XPNPEP2: variants seen among roughly 807,000 people sequenced by gnomAD.
The protein encoded by XPNPEP2 is X-prolyl aminopeptidase 2, also known as xaa-Pro aminopeptidase 2.
XPNPEP2 carries 64 observed loss-of-function variants against 59.8 expected under a neutral mutation model. The ratio of observed to expected loss-of-function variants is 1.07; its 90% CI spans 0.87 to 1.32. XPNPEP2 has a LOEUF of 1.32. Among genes scored for constraint, XPNPEP2 ranks in the 40% most tolerant of loss-of-function variants. XPNPEP2 has a pLI of 0.00. For synonymous variants in XPNPEP2, 235 were observed against 210.0 expected, an observed-to-expected ratio of 1.12 and a Z score of -1.03; for missense variants, 575 against 546.8, an observed-to-expected ratio of 1.05 and a Z score of -0.51.
intron 19 of XPNPEP2, among the ~76,000 whole-genome samples, chrX:129,765,838 G>C (rs758565490): frequency 9.1e-6 from 1 of 109,967 alleles, no homozygotes; most frequent in South Asian, 3.8e-4. Flanking sequence ...GGGTTTCACC[G>C]TGTTGGCCAG....
At chrX:129,747,458 G>A (rs1926318898) in intron 6 of XPNPEP2, 149 bp from the exon 7 acceptor site, 3 of 742,521 alleles carry the variant, frequency 4.0e-6, no homozygotes, top group Non-Finnish European at 6.0e-6. Context: ...CATGCCGGGG[G>A]TGGGGGGTGG....
chrX:129,760,677 C>T (rs1926640390), intron 16 of XPNPEP2, 96 bp downstream of exon 16: 1 of 887,580 alleles, frequency 1.1e-6, no homozygotes, highest in Admixed American at 2.4e-5. Flanking sequence ...AGGATTTTGT[C>T]ATCATCCCAT....
At chrX:129,756,245 C>T (rs1926515411) in intron 13 of XPNPEP2, among the ~76,000 whole-genome samples, 1 of 111,959 alleles carries the variant, frequency 8.9e-6, no homozygotes, top group African/African-American at 3.2e-5. Flanking sequence ...CTGGGCTTTA[C>T]CCTCTCTCTC....
chrX:129,743,983 A>G lies in XPNPEP2; in HGVS notation c.146A>G (p.Asn49Ser). The change falls in exon 3 of 21, where the codon AAT (asparagine) becomes AGT (serine). Residue 49 changes from asparagine to serine, a missense_variant. Transcript: ENST00000371106. Reference sequence around the variant, plus strand: ...CAGTACCTTCCAGTTACTGTGGTCAATACCACAATGTCACTCACAGCCCTC... The same window carrying G: ...CAGTACCTTCCAGTTACTGTGGTCAGTACCACAATGTCACTCACAGCCCTC... ...NPPYLPVTVV[N>S]TTMSLTALRQ... 8.3e-7 allele frequency: 1 copy of G among 1,210,458 alleles called. No homozygotes were observed. Among genetic ancestry groups the G allele is most frequent in the Non-Finnish European group, 1.1e-6 (1 of 894,213 alleles).
intron 19 of XPNPEP2, among the ~76,000 whole-genome samples, chrX:129,764,921 A>G (rs1172913664): frequency 9.0e-6 from 1 of 111,145 alleles, no homozygotes; most frequent in African/African-American, 3.3e-5. Context: ...CCAAGATCAC[A>G]CCACTGCACT....
At chrX:129,739,527 C>A (rs748589754) in intron 1 of XPNPEP2, among the ~76,000 whole-genome samples, 3 of 111,871 alleles carry the variant, frequency 2.7e-5, no homozygotes, top group Non-Finnish European at 5.6e-5. Context: ...TTAAGACTAC[C>A]GCATTGCAAT....
intron 13 of XPNPEP2, 46 bp downstream of exon 13, chrX:129,755,417 GTT>G (rs1926500739): frequency 1.8e-6 from 2 of 1,139,091 alleles, no homozygotes; most frequent in South Asian, 3.6e-5. Context: ...GGGGCATCCT[GTT>G]GTGTGTGTAG....
chrX:129,745,067 C>A, intron 3 of XPNPEP2, 136 bp from the exon 4 acceptor site: 1 of 670,658 alleles, frequency 1.5e-6, no homozygotes. Flanking sequence ...CTGGAAGAGG[C>A]ACTTGGTGTG....
chrX:129,746,855 G>A, intron 6 of XPNPEP2, 174 bp downstream of exon 6: 2 of 469,731 alleles, frequency 4.3e-6, no homozygotes, highest in Non-Finnish European at 7.4e-6. Flanking sequence ...CATGGATTGT[G>A]TAATTAAAAT....
At chrX:129,746,823 T>G (rs907738901) in intron 6 of XPNPEP2, 142 bp downstream of exon 6, 29 of 523,676 alleles carry the variant, frequency 5.5e-5, no homozygotes, top group Non-Finnish European at 8.6e-5. Context: ...AGTTGCAGAA[T>G]GTTTTGCAAT....
intron 14 of XPNPEP2, among the ~76,000 whole-genome samples, chrX:129,757,873 A>G (rs200804821): frequency 4.9e-4 from 33 of 66,733 alleles, no homozygotes; most frequent in African/African-American, 1.8e-3. Context: ...GAGAGAGAGA[A>G]AGAGAGAGAG....
intron 14 of XPNPEP2, among the ~76,000 whole-genome samples, chrX:129,757,091 CAT>C (rs758030059): frequency 2.6e-4 from 26 of 100,067 alleles, no homozygotes; most frequent in Non-Finnish European, 2.0e-4. Context: ...CACACACACA[CAT>C]ATATATATAT....
chrX:129,751,584 A>G (rs1443375660), intron 8 of XPNPEP2, among the ~76,000 whole-genome samples, 161 bp from the exon 9 acceptor site: 5 of 75,426 alleles, frequency 6.6e-5, no homozygotes, highest in Non-Finnish European at 1.2e-4. Flanking sequence ...GAAAGAAAGA[A>G]AGAAAGAAAG....
chrX:129,764,382 G>A (rs745829095), intron 19 of XPNPEP2, among the ~76,000 whole-genome samples: 15 of 110,851 alleles, frequency 1.4e-4, no homozygotes, highest in South Asian at 3.8e-4. Context: ...AAGACCGGGC[G>A]TGGTGGCTTA....
At chrX:129,741,586 C>G (rs1926182806) in intron 1 of XPNPEP2, among the ~76,000 whole-genome samples, 1 of 112,032 alleles carries the variant, frequency 8.9e-6, no homozygotes, top group Admixed American at 9.4e-5. Flanking sequence ...ACTAGGATTT[C>G]TGTCTAATAT....
In XPNPEP2 at chrX:129,762,683, G is replaced by C; in HGVS notation, c.1664-11G>C. ...CCAGCTTAATGCCACCAGCATCTCTGTGTCTCCCAGAACCTGGTTACTATA... is the reference window on the plus strand; with the variant it reads ...CCAGCTTAATGCCACCAGCATCTCTCTGTCTCCCAGAACCTGGTTACTATA... On this transcript the variant is annotated splice_polypyrimidine_tract_variant and intron_variant, in intron 18 of 20. Transcript: ENST00000371106. 1 of 1,209,420 alleles carries C rather than the reference G, an allele frequency of 8.3e-7. No homozygotes were observed. The highest frequency in any genetic ancestry group is 1.1e-6 in the Non-Finnish European group (1 of 893,293).
intron 4 of XPNPEP2, 110 bp downstream of exon 4, chrX:129,745,376 G>A: frequency 2.2e-6 from 2 of 893,550 alleles, no homozygotes; most frequent in Admixed American, 5.1e-5. Flanking sequence ...ACCTACTGTA[G>A]AGAAAACCCT....
intron 6 of XPNPEP2, 114 bp from the exon 7 acceptor site, chrX:129,747,493 G>A (rs897034754): frequency 2.8e-6 from 3 of 1,070,262 alleles, no homozygotes; most frequent in Non-Finnish European, 3.8e-6. Context: ...CAGGCTCCGG[G>A]CAGCTGGGCT....
chrX:129,741,186 T>C, intron 1 of XPNPEP2, among the ~76,000 whole-genome samples: 1 of 103,816 alleles, frequency 9.6e-6, no homozygotes, highest in African/African-American at 3.6e-5. Flanking sequence ...GGGGGGTCAC[T>C]CTCGAGTCAC....
Sources: gnomAD v4.1 joint callset for allele counts (sites outside exome capture counted in the v4.1 genomes callset) on GRCh38, gnomAD v4.1.1 for gene constraint, MANE v1.5 for transcripts, NCBI Gene and HGNC (gene_info 2026-07-23, HGNC 2026-07-21) for gene names.